IKZF3: variants seen among roughly 807,000 people sequenced by gnomAD.
IKZF3 encodes zinc finger protein Aiolos.
IKZF3 carries 10 observed loss-of-function variants against 49.0 expected under a neutral mutation model. That is an observed-to-expected ratio of 0.20 (90% CI 0.13 to 0.35). The LOEUF (loss-of-function observed/expected upper bound fraction) is 0.35, where lower values mean the gene tolerates loss of function less well. IKZF3 is among the 10% of genes least tolerant of loss of function. The pLI is 1.00. For synonymous variants in IKZF3, 209 were observed against 228.2 expected (o/e 0.92, Z 0.76); for missense variants, 498 against 664.8 (o/e 0.75, Z 2.76).
chr17:39,835,862 C>G, intron 1 of IKZF3: 1 of 614,648 alleles, frequency 1.6e-6, no homozygotes, highest in Non-Finnish European at 3.1e-6. Flanking sequence ...GCTTACTGAT[C>G]TCATCCTCGT....
intron 2 of IKZF3, among the ~76,000 whole-genome samples, chr17:39,831,277 G>A (rs1176592780): frequency 1.3e-5 from 2 of 152,030 alleles, no homozygotes; most frequent in Non-Finnish European, 2.9e-5. Flanking sequence ...AGGAGGCTGA[G>A]GCAGGAGAAT....
chr17:39,845,642 A>G (rs1218238420), intron 1 of IKZF3, among the ~76,000 whole-genome samples: 1 of 152,214 alleles, frequency 6.6e-6, no homozygotes, highest in African/African-American at 2.4e-5. Flanking sequence ...GACAGAGACC[A>G]TATGACCTGC....
intron 3 of IKZF3, among the ~76,000 whole-genome samples, chr17:39,804,170 G>T (rs960330521): frequency 3.3e-5 from 5 of 152,138 alleles, no homozygotes; most frequent in African/African-American, 1.2e-4. Context: ...CGGGTGTGGT[G>T]GCTCATGCCT....
chr17:39,806,704 G>A (rs1391040423), intron 3 of IKZF3, among the ~76,000 whole-genome samples: 1 of 152,098 alleles, frequency 6.6e-6, no homozygotes, highest in Non-Finnish European at 1.5e-5. Context: ...CTTCTAAAAC[G>A]GCTCCTAGCA....
chr17:39,858,012 A>G (rs2063114402), intron 1 of IKZF3, among the ~76,000 whole-genome samples: 1 of 152,266 alleles, frequency 6.6e-6, no homozygotes, highest in East Asian at 1.9e-4. Flanking sequence ...TTGGAAAATA[A>G]CAGTCTAGAA....
At chr17:39,795,950 G>C (rs1198461557) in intron 3 of IKZF3, among the ~76,000 whole-genome samples, 1 of 151,906 alleles carries the variant, frequency 6.6e-6, no homozygotes, top group Non-Finnish European at 1.5e-5. Context: ...GCTGAGGCAG[G>C]ATAATCGCTT....
intron 5 of IKZF3, among the ~76,000 whole-genome samples, chr17:39,790,811 T>C (rs895790257): frequency 1.3e-5 from 2 of 151,916 alleles, no homozygotes; most frequent in Non-Finnish European, 2.9e-5. Flanking sequence ...ATCCCAGCAC[T>C]TTGGGAGGTC....
At chr17:39,838,529 C>A (rs146584422) in intron 1 of IKZF3, among the ~76,000 whole-genome samples, 48 of 152,144 alleles carry the variant, frequency 3.2e-4, no homozygotes, top group African/African-American at 1.2e-3. Flanking sequence ...CCTTTATATC[C>A]TTTTCATTTT....
intron 5 of IKZF3, among the ~76,000 whole-genome samples, chr17:39,788,628 C>T (rs971570549): frequency 6.6e-6 from 1 of 152,168 alleles, no homozygotes; most frequent in Non-Finnish European, 1.5e-5. Context: ...TTAGTGATTA[C>T]CATTTCGCAT....
At chr17:39,832,029 C>A (rs985738315) in intron 2 of IKZF3, 69 bp downstream of exon 2, 3 of 1,149,694 alleles carry the variant, frequency 2.6e-6, no homozygotes, top group East Asian at 2.4e-5. Context: ...CCAGAATAAG[C>A]ACATTCCTCT....
intron 3 of IKZF3, among the ~76,000 whole-genome samples, chr17:39,819,387 G>A (rs1405154754): frequency 2.6e-5 from 4 of 152,174 alleles, no homozygotes; most frequent in African/African-American, 9.7e-5. Flanking sequence ...CACAGGCACA[G>A]CTATCATTTG....
intron 3 of IKZF3, among the ~76,000 whole-genome samples, chr17:39,825,992 T>C (rs576866551): frequency 1.3e-5 from 2 of 152,334 alleles, no homozygotes; most frequent in African/African-American, 4.8e-5. Flanking sequence ...ACTTAGACAG[T>C]GCCCTATAAA....
chr17:39,789,041 G>A (rs367841653), intron 5 of IKZF3, among the ~76,000 whole-genome samples: 1 of 152,158 alleles, frequency 6.6e-6, no homozygotes, highest in Non-Finnish European at 1.5e-5. Context: ...AGGCTCAGGT[G>A]AAGTCTGGGC....
At chr17:39,785,692 G>C (rs1181423534) in intron 6 of IKZF3, among the ~76,000 whole-genome samples, 2 of 152,050 alleles carry the variant, frequency 1.3e-5, no homozygotes, top group African/African-American at 4.8e-5. Context: ...GTATATACAT[G>C]TGTGTCTATT....
chr17:39,766,025 G>A lies in IKZF3; in HGVS notation c.1295C>T (p.Pro432Leu). ...PRSYELLKPP[P>L]ICPRDSVKVI... Reference sequence around the variant, plus strand: ...TTTGACGGAGTCTCTTGGGCAGATGGGCGGGGGCTTGAGGAGTTCGTAAGA... The same window carrying A: ...TTTGACGGAGTCTCTTGGGCAGATGAGCGGGGGCTTGAGGAGTTCGTAAGA... Residue 432 changes from proline (P) to leucine (L), a missense_variant, in exon 8 of 8, where the codon CCC (proline) becomes CTC (leucine). Pro to Leu is a moderately conservative substitution (Grantham distance 98). This residue lies in a region of IKZF3 where 317 missense variants were observed against 397.3 expected (regional missense o/e 0.80). Transcript: ENST00000346872. 1.2e-6 allele frequency: 2 copies of A among 1,614,196 alleles called. No homozygotes were observed. The highest frequency in any genetic ancestry group is 1.1e-5 in the South Asian group (1 of 91,082).
At position 39,783,556 on chromosome 17, in the gene IKZF3, G is replaced by A. The variant is rs910260195; in HGVS notation, c.709+4702C>T. Among the ~76,000 whole-genome samples the A allele has an allele frequency of 3.9e-5, 6 of 152,230 alleles. No individual in the cohort carries two copies. The East Asian group carries it at 7.7e-4, about 20-fold the overall frequency. The stretch of plus-strand genomic sequence containing the variant: ...AGGCTGTTCTGGAACTCCTGACCTC[G>A]CGATCCGCCCACCTCAGCATCCTAA... On this transcript the variant is annotated intron_variant, in intron 6 of 7. Coordinates refer to ENST00000346872, the MANE Select transcript of IKZF3 (RefSeq NM_012481.5).
At chr17:39,829,823 A>C (rs2062061002) in intron 2 of IKZF3, among the ~76,000 whole-genome samples, 1 of 152,140 alleles carries the variant, frequency 6.6e-6, no homozygotes, top group East Asian at 1.9e-4. Flanking sequence ...ATGGCGGTGC[A>C]TGCCTGTAAT....
intron 6 of IKZF3, among the ~76,000 whole-genome samples, chr17:39,778,881 G>A (rs2060657155): frequency 2.0e-5 from 3 of 152,344 alleles, no homozygotes; most frequent in Middle Eastern, 3.4e-3. Flanking sequence ...TGTGAGTGGT[G>A]TAGGCCTGTG....
intron 7 of IKZF3, among the ~76,000 whole-genome samples, chr17:39,772,024 A>C (rs1419112842): frequency 6.6e-6 from 1 of 152,020 alleles, no homozygotes; most frequent in East Asian, 1.9e-4. Context: ...CTGGGATTAC[A>C]GGCATGAGGC....
Sources: gnomAD v4.1 joint callset for allele counts (sites outside exome capture counted in the v4.1 genomes callset) on GRCh38, gnomAD v4.1.1 for gene constraint, gnomAD v4.1.1 regional missense constraint, MANE v1.5 for transcripts, NCBI Gene and HGNC (gene_info 2026-07-23, HGNC 2026-07-21) for gene names.